FBLN7: variants seen among roughly 807,000 people sequenced by gnomAD.
FBLN7 encodes fibulin 7.
FBLN7 carries 31 observed loss-of-function variants against 44.0 expected under a neutral mutation model. That is an observed-to-expected ratio of 0.70 (90% CI 0.53 to 0.95). The LOEUF (loss-of-function observed/expected upper bound fraction) is 0.95, where lower values mean the gene tolerates loss of function less well. FBLN7 is among the 40% of genes least tolerant of loss of function. FBLN7 has a pLI of 0.00. For missense variants in FBLN7, 573 were observed against 618.5 expected (o/e 0.93, Z 0.78); for synonymous variants, 262 against 253.4 (o/e 1.03, Z -0.32).
At chr2:112,141,667 A>G (rs905528969) in intron 1 of FBLN7, among the ~76,000 whole-genome samples, 2 of 152,242 alleles carry the variant, frequency 1.3e-5, no homozygotes, top group Admixed American at 6.5e-5. Flanking sequence ...TGCCAGAAGC[A>G]TAGGTGGGTA....
chr2:112,144,638 C>T (rs1680818663), intron 1 of FBLN7, among the ~76,000 whole-genome samples: 1 of 151,682 alleles, frequency 6.6e-6, no homozygotes. Flanking sequence ...GATTCTCCTG[C>T]CTCAGCCTTC....
chr2:112,173,730 A>G (rs1682592319), intron 3 of FBLN7, among the ~76,000 whole-genome samples: 1 of 152,256 alleles, frequency 6.6e-6, no homozygotes, highest in South Asian at 2.1e-4. Flanking sequence ...CCTGCCATGC[A>G]CTTGACTGAA....
the FBLN7 span, among the ~76,000 whole-genome samples, chr2:112,195,098 A>G: frequency 6.6e-6 from 1 of 152,220 alleles, no homozygotes; most frequent in Non-Finnish European, 1.5e-5. Context: ...ACCCTTTGTC[A>G]CAAAGAGGAT....
chr2:112,175,748 T>C lies in FBLN7; in HGVS notation c.441T>C (p.Asn147=). Residue 147 remains asparagine (N), a synonymous_variant, in exon 4 of 8, where the codon AAT becomes AAC. Coordinates refer to ENST00000331203, the MANE Select transcript of FBLN7 (RefSeq NM_153214.3). ...AATGCTCCAGCCAGCCTTGTCAAAATGGTGGTACATGTGTAGAAGGAGTCA... is the reference window on the plus strand; with the variant it reads ...AATGCTCCAGCCAGCCTTGTCAAAACGGTGGTACATGTGTAGAAGGAGTCA... ...ISECSSQPCQ[N]GGTCVEGVNQ... The C allele has an allele frequency of 6.2e-7, 1 of 1,614,194 alleles. No homozygotes were observed. Among genetic ancestry groups the C allele is most frequent in the East Asian group, 2.2e-5 (1 of 44,886 alleles).
intron 4 of FBLN7, chr2:112,176,575 G>A (rs995744024): frequency 3.9e-5 from 6 of 152,232 alleles, no homozygotes; most frequent in African/African-American, 1.4e-4. Context: ...GTGGATAAGA[G>A]CTTTATCAAT....
chr2:112,238,455 C>G, the FBLN7 span: 3 of 1,613,400 alleles, frequency 1.9e-6, no homozygotes, highest in Non-Finnish European at 2.5e-6. Context: ...ATCATTATCA[C>G]TATATACATC....
chr2:112,175,540 C>T (rs1483807979), intron 3 of FBLN7, among the ~76,000 whole-genome samples, 174 bp from the exon 4 acceptor site: 6 of 152,198 alleles, frequency 3.9e-5, no homozygotes, highest in Non-Finnish European at 7.3e-5. Flanking sequence ...TCAGCCCCAT[C>T]GGCCCCCTGG....
intron 1 of FBLN7, among the ~76,000 whole-genome samples, chr2:112,148,867 C>A (rs564094051): frequency 2.6e-5 from 4 of 152,200 alleles, no homozygotes; most frequent in African/African-American, 9.7e-5. Context: ...CCACTGCATC[C>A]TGTTGGCCAA....
chr2:112,182,227 G>A (rs1261107994), intron 5 of FBLN7, among the ~76,000 whole-genome samples: 6 of 152,138 alleles, frequency 3.9e-5, no homozygotes, highest in African/African-American at 1.4e-4. Context: ...GAGCGGGCCC[G>A]GAGCTGGGTA....
intron 4 of FBLN7, among the ~76,000 whole-genome samples, chr2:112,179,000 G>T (rs1265515475): frequency 6.6e-6 from 1 of 152,168 alleles, no homozygotes; most frequent in Non-Finnish European, 1.5e-5. Flanking sequence ...CAACAGGCGA[G>T]AGAAAGAAAT....
chr2:112,234,064 C>A, the FBLN7 span: 1 of 1,030,238 alleles, frequency 9.7e-7, no homozygotes, highest in East Asian at 2.8e-5. Flanking sequence ...AAAAGAGTAT[C>A]AAACAGAAAG....
At chr2:112,203,243 G>A in the FBLN7 span, among the ~76,000 whole-genome samples, 5 of 152,178 alleles carry the variant, frequency 3.3e-5, no homozygotes, top group African/African-American at 1.2e-4. Context: ...CTAAGGCAGA[G>A]TTGTAAATTC....
At chr2:112,160,207 G>C (rs944782595) in intron 2 of FBLN7, among the ~76,000 whole-genome samples, 15 of 152,148 alleles carry the variant, frequency 9.9e-5, no homozygotes, top group Admixed American at 2.0e-4. Context: ...AGCCAGGATG[G>C]TCTCGATCTC....
intron 1 of FBLN7, among the ~76,000 whole-genome samples, chr2:112,147,277 A>C (rs576221396): frequency 7.9e-5 from 12 of 152,134 alleles, no homozygotes; most frequent in Non-Finnish European, 1.3e-4. Flanking sequence ...GGTAGTTTGT[A>C]TCTTTCAAGA....
At chr2:112,231,384 CTG>C in the FBLN7 span, among the ~76,000 whole-genome samples, 3 of 152,166 alleles carry the variant, frequency 2.0e-5, no homozygotes, top group Non-Finnish European at 4.4e-5. Context: ...ATACAAATGA[CTG>C]TAACTTTTCA....
At chr2:112,149,215 C>A (rs1439073038) in intron 1 of FBLN7, among the ~76,000 whole-genome samples, 1 of 152,176 alleles carries the variant, frequency 6.6e-6, no homozygotes, top group Non-Finnish European at 1.5e-5. Context: ...AGTCCCCTTG[C>A]TCCCTTGGGG....
chr2:112,238,356 T>G, the FBLN7 span: 1 of 1,613,780 alleles, frequency 6.2e-7, no homozygotes, highest in Non-Finnish European at 8.5e-7. Context: ...TGTAGATTCT[T>G]CAGGTTGAGC....
chr2:112,216,751 A>AATT, the FBLN7 span, among the ~76,000 whole-genome samples: 6 of 152,046 alleles, frequency 3.9e-5, no homozygotes, highest in Non-Finnish European at 8.8e-5. Context: ...ACAAGAAAAA[A>AATT]ATTATATTAC....
intron 1 of FBLN7, among the ~76,000 whole-genome samples, chr2:112,148,713 C>T (rs983309882): frequency 6.6e-6 from 1 of 152,182 alleles, no homozygotes; most frequent in Non-Finnish European, 1.5e-5. Context: ...GGCTCTGCTC[C>T]GTGAGGCCTC....
Sources: allele counts gnomAD v4.1 joint callset (sites outside exome capture counted in the v4.1 genomes callset), GRCh38; gene constraint gnomAD v4.1.1; transcripts MANE v1.5; gene names NCBI Gene and HGNC (gene_info 2026-07-23, HGNC 2026-07-21).